STX6: variants seen among roughly 807,000 people sequenced by gnomAD.
The protein encoded by STX6 is syntaxin-6.
A neutral mutation model predicts 38.0 loss-of-function variants in STX6; 23 were observed. The ratio of observed to expected loss-of-function variants is 0.60; its 90% CI spans 0.43 to 0.86. The LOEUF is 0.86. STX6 is among the 40% of genes least tolerant of loss of function. The probability of loss-of-function intolerance (pLI) is 0.00; values close to 1 mark genes in which losing one functional copy is unlikely to be tolerated. For synonymous variants in STX6, 123 were observed against 107.5 expected (o/e 1.14, Z -0.89); for missense variants, 274 against 312.9 (o/e 0.88, Z 0.94).
At chr1:180,992,321 ATATT>A (rs1655777695) in intron 4 of STX6, among the ~76,000 whole-genome samples, 1 of 152,258 alleles carries the variant, frequency 6.6e-6, no homozygotes, top group South Asian at 2.1e-4. Context: ...AAGTTAGGTG[ATATT>A]TATAGAACCC....
intron 4 of STX6, among the ~76,000 whole-genome samples, chr1:180,991,946 ATATATATT>A (rs1291884970): frequency 2.0e-5 from 3 of 147,804 alleles, no homozygotes; most frequent in Non-Finnish European, 3.0e-5. Flanking sequence ...AAATTTATAT[ATATATATT>A]TATAAATATA....
At chr1:181,007,324 A>G (rs1034991711) in intron 1 of STX6, among the ~76,000 whole-genome samples, 1 of 151,976 alleles carries the variant, frequency 6.6e-6, no homozygotes, top group Non-Finnish European at 1.5e-5. Context: ...TTAGGGAACA[A>G]GAAAAAAAAG....
intron 1 of STX6, among the ~76,000 whole-genome samples, chr1:181,012,064 G>GA (rs1401572635): frequency 2.0e-5 from 3 of 152,122 alleles, no homozygotes; most frequent in African/African-American, 7.2e-5. Flanking sequence ...CTTTCCATGA[G>GA]AGAGTATATA....
chr1:180,980,161 C>T (rs1000481514), intron 7 of STX6, among the ~76,000 whole-genome samples: 2 of 146,938 alleles, frequency 1.4e-5, no homozygotes, highest in Non-Finnish European at 3.0e-5. Flanking sequence ...GAGCTGAGAT[C>T]GCACCTCTGC....
At chr1:180,978,238 T>C (rs756848729) in intron 7 of STX6, among the ~76,000 whole-genome samples, 1 of 152,242 alleles carries the variant, frequency 6.6e-6, no homozygotes, top group Non-Finnish European at 1.5e-5. Flanking sequence ...AGCAAAACTC[T>C]TCTTAGATCC....
chr1:180,999,914 A>G (rs1426046106), intron 3 of STX6, among the ~76,000 whole-genome samples: 2 of 152,240 alleles, frequency 1.3e-5, no homozygotes. Flanking sequence ...TTCCACCCAG[A>G]ACCCAGAAAT....
chr1:181,015,868 C>G (rs1656541163), intron 1 of STX6, among the ~76,000 whole-genome samples: 1 of 152,140 alleles, frequency 6.6e-6, no homozygotes, highest in African/African-American at 2.4e-5. Flanking sequence ...ACCATGTTGG[C>G]CAGGCTGGTC....
chr1:181,021,944 T>C (rs1656739940), intron 1 of STX6, among the ~76,000 whole-genome samples: 1 of 152,258 alleles, frequency 6.6e-6, no homozygotes, highest in Non-Finnish European at 1.5e-5. Context: ...AATAGAAAGC[T>C]GAGGAAAGTT....
At chr1:180,992,805 A>T (rs1252019998) in intron 4 of STX6, among the ~76,000 whole-genome samples, 2 of 152,196 alleles carry the variant, frequency 1.3e-5, no homozygotes, top group Non-Finnish European at 2.9e-5. Flanking sequence ...TAAAACAAAG[A>T]GAAACTTAAT....
At chr1:180,988,488 C>A in intron 5 of STX6, 143 bp from the exon 6 acceptor site, 1 of 622,374 alleles carries the variant, frequency 1.6e-6, no homozygotes, top group Non-Finnish European at 2.9e-6. Context: ...AGGACCAGAC[C>A]GTTGCCTCTG....
intron 1 of STX6, 37 bp from the exon 2 acceptor site, chr1:181,005,500 A>G: frequency 6.3e-7 from 1 of 1,593,330 alleles, no homozygotes; most frequent in South Asian, 1.1e-5. Context: ...GAAATCACAG[A>G]CAACATTCCA....
chr1:181,000,112 C>T (rs1656034222), intron 3 of STX6, among the ~76,000 whole-genome samples: 2 of 152,196 alleles, frequency 1.3e-5, no homozygotes, highest in South Asian at 4.1e-4. Context: ...TAAATACTAA[C>T]AGCTTCCCCC....
At position 181,022,658 on chromosome 1, in the gene STX6, G is replaced by T; in HGVS notation, c.16C>A (p.Pro6Thr). The T allele has an allele frequency of 6.2e-7, 1 of 1,610,308 alleles. No homozygotes were observed. Among genetic ancestry groups the T allele is most frequent in the South Asian group, 1.1e-5 (1 of 90,506 alleles). Reference protein sequence around the residue: MSMEDPFFVVKGEVQK... With the variant: MSMEDTFFVVKGEVQK... ...ACTCACCCTTTCACCACAAAGAAGGGGTCCTCCATGGACATGGCGTCCCGG... is the reference window on the plus strand; with the variant it reads ...ACTCACCCTTTCACCACAAAGAAGGTGTCCTCCATGGACATGGCGTCCCGG... The change falls in exon 1 of 8, where the codon CCC (proline) becomes ACC (threonine). Residue 6 changes from proline (P) to threonine (T), a missense_variant. Transcript: ENST00000258301.
intron 7 of STX6, among the ~76,000 whole-genome samples, chr1:180,981,487 TTTAC>T (rs1400603885): frequency 6.6e-6 from 1 of 152,118 alleles, no homozygotes; most frequent in Non-Finnish European, 1.5e-5. Flanking sequence ...CACTCCTATG[TTTAC>T]CCCCTTCCCT....
intron 1 of STX6, among the ~76,000 whole-genome samples, chr1:181,013,394 C>T (rs1038096344): frequency 2.6e-5 from 4 of 152,182 alleles, no homozygotes; most frequent in African/African-American, 9.7e-5. Context: ...TCACAGCTCA[C>T]TGTAATCTCG....
At chr1:181,001,340 C>G (rs1051801491) in intron 3 of STX6, among the ~76,000 whole-genome samples, 1 of 152,166 alleles carries the variant, frequency 6.6e-6, no homozygotes, top group Non-Finnish European at 1.5e-5. Context: ...AGCTGGTTCT[C>G]TTACATCTAG....
chr1:181,022,314 T>G (rs1427647456), intron 1 of STX6, among the ~76,000 whole-genome samples: 1 of 152,206 alleles, frequency 6.6e-6, no homozygotes, highest in Non-Finnish European at 1.5e-5. Context: ...ACGGCCAGTG[T>G]GCGCCAGGAC....
chr1:181,006,891 C>T (rs868479014), intron 1 of STX6, among the ~76,000 whole-genome samples: 4 of 152,202 alleles, frequency 2.6e-5, no homozygotes, highest in African/African-American at 7.2e-5. Context: ...ATATGGACAA[C>T]AAATCTACCA....
chr1:181,020,243 T>A (rs1360188655), intron 1 of STX6, among the ~76,000 whole-genome samples: 1 of 152,182 alleles, frequency 6.6e-6, no homozygotes, highest in Non-Finnish European at 1.5e-5. Flanking sequence ...TAATGAACTT[T>A]AAATACAGAT....
Sources: gnomAD v4.1 joint callset for allele counts (sites outside exome capture counted in the v4.1 genomes callset) on GRCh38, gnomAD v4.1.1 for gene constraint, MANE v1.5 for transcripts, NCBI Gene and HGNC (gene_info 2026-07-23, HGNC 2026-07-21) for gene names.